The following OLFM3 variants were observed in gnomAD, a reference collection of about 807,000 sequenced individuals.
The protein encoded by OLFM3 is noelin-3.
Under a neutral mutation model 48.6 loss-of-function variants are expected in OLFM3, and 20 were observed. The ratio of observed to expected loss-of-function variants is 0.41; its 90% confidence interval spans 0.29 to 0.60. OLFM3 has a LOEUF of 0.60. Among genes scored for constraint, OLFM3 ranks in the 20% least tolerant of loss-of-function variants. The pLI, the probability that OLFM3 is intolerant of heterozygous loss-of-function variation, is 0.28. For missense variants in OLFM3, 437 were observed against 544.3 expected (o/e 0.80, Z 1.96); for synonymous variants, 222 against 198.1 (o/e 1.12, Z -1.01).
At chr1:101,950,532 G>A (rs1163543791) in intron 1 of OLFM3, among the ~76,000 whole-genome samples, 1 of 150,772 alleles carries the variant, frequency 6.6e-6, no homozygotes, top group Non-Finnish European at 1.5e-5. Flanking sequence ...TCCGCCTCCC[G>A]GGTTCACGCC....
At chr1:101,870,814 T>C (rs1657051106) in intron 1 of OLFM3, among the ~76,000 whole-genome samples, 1 of 152,110 alleles carries the variant, frequency 6.6e-6, no homozygotes, top group Non-Finnish European at 1.5e-5. Context: ...AGGGCTTTTC[T>C]TCCCCACATG....
At chr1:101,967,174 T>G (rs17125869) in intron 1 of OLFM3, among the ~76,000 whole-genome samples, 2,642 of 152,276 alleles carry the variant, frequency 0.017, 72 homozygotes, top group African/African-American at 0.06. Flanking sequence ...TATCTATATT[T>G]AAATCACTCA....
At chr1:101,913,189 C>T (rs1243061555) in intron 1 of OLFM3, among the ~76,000 whole-genome samples, 2 of 152,186 alleles carry the variant, frequency 1.3e-5, no homozygotes, top group Non-Finnish European at 2.9e-5. Context: ...ATTGCACCAT[C>T]TTCCCTCTCA....
At chr1:101,975,821 C>T (rs1405410612) in intron 1 of OLFM3, among the ~76,000 whole-genome samples, 2 of 151,998 alleles carry the variant, frequency 1.3e-5, no homozygotes, top group African/African-American at 4.8e-5. Flanking sequence ...TCAGGAGACA[C>T]AGGGAGCAAC....
chr1:101,830,746 G>T lies in OLFM3; in HGVS notation c.298C>A (p.Gln100Lys), dbSNP rs775541595. The T allele has an allele frequency of 1.2e-6, 2 of 1,613,956 alleles. No homozygotes were observed. Among genetic ancestry groups the T allele is most frequent in the Non-Finnish European group, 1.7e-6 (2 of 1,179,930 alleles). ...DFQYVLKMET[Q>K]MKGLKAKFRQ... The stretch of plus-strand genomic sequence containing the variant: ...AATTTTGCCTTCAGCCCTTTCATTT[G>T]GGTTTCCATTTTTAAAACATATTGG... Residue 100 changes from glutamine to lysine, a missense_variant, in exon 3 of 6, where the codon CAA becomes AAA. By Grantham distance (53) the Gln-to-Lys change is moderately conservative. Around this residue, in one of 3 missense-constraint regions of OLFM3, gnomAD observed 314 missense variants for 365.5 expected, o/e 0.86. Coordinates refer to ENST00000370103, the MANE Select transcript of OLFM3 (RefSeq NM_058170.4).
chr1:101,936,342 C>G (rs1392638086), intron 1 of OLFM3, among the ~76,000 whole-genome samples: 1 of 151,866 alleles, frequency 6.6e-6, no homozygotes, highest in Non-Finnish European at 1.5e-5. Context: ...GAGATCCAAA[C>G]GAAAAATGCA....
At chr1:101,851,114 C>T (rs965915788) in intron 1 of OLFM3, among the ~76,000 whole-genome samples, 6 of 152,082 alleles carry the variant, frequency 3.9e-5, no homozygotes, top group African/African-American at 7.2e-5. Flanking sequence ...GTTGAAATCA[C>T]TTGGGGAATG....
intron 1 of OLFM3, among the ~76,000 whole-genome samples, chr1:101,992,678 A>G (rs547991835): frequency 6.6e-6 from 1 of 151,696 alleles, no homozygotes; most frequent in South Asian, 2.1e-4. Context: ...AAGAACAAGA[A>G]CTTTAATTAG....
At chr1:101,862,022 GA>G (rs1183736168) in intron 1 of OLFM3, among the ~76,000 whole-genome samples, 1 of 152,158 alleles carries the variant, frequency 6.6e-6, no homozygotes, top group Non-Finnish European at 1.5e-5. Flanking sequence ...AAATAAAGAA[GA>G]ATCGTGATAG....
intron 1 of OLFM3, among the ~76,000 whole-genome samples, chr1:101,950,693 C>T (rs553105674): frequency 2.0e-5 from 3 of 152,232 alleles, no homozygotes; most frequent in East Asian, 1.9e-4. Flanking sequence ...ATCCACCCGC[C>T]TCGGCCTCCC....
chr1:101,881,351 G>C (rs1657518202), intron 1 of OLFM3, among the ~76,000 whole-genome samples: 1 of 151,970 alleles, frequency 6.6e-6, no homozygotes, highest in South Asian at 2.1e-4. Context: ...TGAACATTGA[G>C]ATATCCTGAA....
chr1:101,853,380 T>C (rs1336690146), intron 1 of OLFM3, among the ~76,000 whole-genome samples: 3 of 152,054 alleles, frequency 2.0e-5, no homozygotes, highest in Non-Finnish European at 2.9e-5. Context: ...GGCCACACTA[T>C]CTAAAATGTC....
chr1:101,912,120 A>C (rs1208771759), intron 1 of OLFM3, among the ~76,000 whole-genome samples: 1 of 152,140 alleles, frequency 6.6e-6, no homozygotes, highest in African/African-American at 2.4e-5. Flanking sequence ...CTCGGCAATG[A>C]GCTGTGCTGG....
At chr1:101,891,873 T>C (rs1658012175) in intron 1 of OLFM3, among the ~76,000 whole-genome samples, 1 of 152,006 alleles carries the variant, frequency 6.6e-6, no homozygotes, top group African/African-American at 2.4e-5. Flanking sequence ...TAGAACCATA[T>C]GGAATTGCCA....
intron 1 of OLFM3, among the ~76,000 whole-genome samples, chr1:101,944,810 C>A (rs1443323437): frequency 2.6e-5 from 4 of 151,546 alleles, no homozygotes; most frequent in Non-Finnish European, 5.9e-5. Flanking sequence ...AACCCAGAAG[C>A]CAGAGGTTGC....
chr1:101,958,805 TTGTA>T (rs1178118118), intron 1 of OLFM3, among the ~76,000 whole-genome samples: 1 of 146,272 alleles, frequency 6.8e-6, no homozygotes, highest in Non-Finnish European at 1.5e-5. Context: ...CAAATGAAAC[TTGTA>T]TGTTCTTATG....
At chr1:101,946,140 A>G (rs755176972) in intron 1 of OLFM3, among the ~76,000 whole-genome samples, 2 of 152,212 alleles carry the variant, frequency 1.3e-5, no homozygotes, top group Non-Finnish European at 2.9e-5. Flanking sequence ...GATCACTGAG[A>G]AATACTGCAG....
intron 1 of OLFM3, among the ~76,000 whole-genome samples, chr1:101,866,949 A>T (rs1000554648): frequency 3.9e-5 from 6 of 152,190 alleles, no homozygotes; most frequent in Admixed American, 6.5e-5. Flanking sequence ...CCATTATTTA[A>T]ACCCCAAACA....
chr1:101,971,204 G>A (rs979711356), intron 1 of OLFM3, among the ~76,000 whole-genome samples: 1 of 152,154 alleles, frequency 6.6e-6, no homozygotes, highest in South Asian at 2.1e-4. Context: ...TGAGAGATGA[G>A]GATCTAAGCC....
Sources: allele counts gnomAD v4.1 joint callset (sites outside exome capture counted in the v4.1 genomes callset), GRCh38; gene constraint gnomAD v4.1.1; regional missense constraint gnomAD v4.1.1; transcripts MANE v1.5; gene names NCBI Gene and HGNC (gene_info 2026-07-23, HGNC 2026-07-21).